The following SPNS3 variants were observed in gnomAD, a reference collection of about 807,000 sequenced individuals.
SPNS3 encodes the protein SPNS lysolipid transporter 3, sphingosine-1-phosphate (putative).
A neutral mutation model predicts 54.4 loss-of-function variants in SPNS3; 51 were observed. That is an observed-to-expected ratio of 0.94 (90% CI 0.75 to 1.18). SPNS3 has a LOEUF of 1.18. Ranked by LOEUF, SPNS3 falls within the 50% of genes most tolerant of loss-of-function variation. The pLI is 0.00. For synonymous variants in SPNS3, 309 were observed against 294.7 expected (o/e 1.05, Z -0.50); for missense variants, 669 against 677.4 (o/e 0.99, Z 0.14).
intron 8 of SPNS3, among the ~76,000 whole-genome samples, chr17:4,462,774 C>T (rs1477348510): frequency 7.2e-6 from 1 of 138,596 alleles, no homozygotes; most frequent in African/African-American, 3.1e-5. Context: ...TCCATCCATC[C>T]ATCCATCCAT....
rs139776559 is a variant in SPNS3 at position 4,443,838 on chromosome 17, C to T, written c.266-1194C>T. Among the ~76,000 whole-genome samples, 1,073 of 152,372 alleles carry T rather than the reference C, an allele frequency of 7.0e-3. 10 individuals are homozygous for T. Among genetic ancestry groups the T allele is most frequent in the African/African-American group, 0.024 (1,012 of 41,584 alleles). On this transcript the variant is annotated intron_variant, in intron 2 of 11. Transcript: ENST00000355530. Reference sequence around the variant, plus strand: ...ACAGTGGGCCGGGCACAGTGGCCCACGCCTGTAACCCCAGCACTTTAGGAG... The same window carrying T: ...ACAGTGGGCCGGGCACAGTGGCCCATGCCTGTAACCCCAGCACTTTAGGAG...
rs762994526 is a variant in SPNS3 at position 4,445,037 on chromosome 17, G to A, written c.271G>A (p.Val91Ile). ...NHAGLLQTVFVSCLLLSAPVF... is the reference protein window; with the variant it reads ...NHAGLLQTVFISCLLLSAPVF... ...CCCCTGTGTGTCTCCTTCAGTCTTC[G>A]TTAGCTGCCTGCTGCTGTCTGCACC... The change falls in exon 3 of 12, where the codon GTT becomes ATT. Residue 91 changes from valine (V) to isoleucine (I), a missense_variant. Physicochemically the swap from Val to Ile is conservative, Grantham distance 29. Coordinates refer to ENST00000355530, the MANE Select transcript of SPNS3 (RefSeq NM_182538.5). 10 of 1,613,404 alleles carry A rather than the reference G, an allele frequency of 6.2e-6. No homozygotes were observed. Among genetic ancestry groups the A allele is most frequent in the African/African-American group, 4.0e-5 (3 of 74,934 alleles).
intron 8 of SPNS3, among the ~76,000 whole-genome samples, chr17:4,471,867 G>GT (rs536587287): frequency 0.24 from 35,517 of 149,398 alleles, 4,989 homozygotes; most frequent in East Asian, 0.69. Flanking sequence ...TGGATTTTTT[G>GT]TTTTTTTTTG....
chr17:4,441,176 T>C (rs1483900309), intron 2 of SPNS3, among the ~76,000 whole-genome samples: 1 of 152,220 alleles, frequency 6.6e-6, no homozygotes, highest in African/African-American at 2.4e-5. Context: ...AAGAACATTT[T>C]AATGTTAGCT....
chr17:4,448,384 TC>T, intron 6 of SPNS3, 81 bp downstream of exon 6: 20 of 1,339,222 alleles, frequency 1.5e-5, no homozygotes, highest in Middle Eastern at 1.9e-4. Flanking sequence ...TCTCTCCACC[TC>T]CAGGGAGCCC....
At chr17:4,470,784 T>C (rs78795688) in intron 8 of SPNS3, among the ~76,000 whole-genome samples, 9,407 of 152,302 alleles carry the variant, frequency 0.062, 311 homozygotes, top group Middle Eastern at 0.13. Flanking sequence ...GTTGTAAAAC[T>C]GTGGACTTAT....
intron 2 of SPNS3, among the ~76,000 whole-genome samples, chr17:4,441,743 C>T (rs1030550928): frequency 2.0e-5 from 3 of 151,376 alleles, no homozygotes. Context: ...ATTACAGGCA[C>T]CTGCCATCAT....
At chr17:4,457,950 G>A (rs115758769) in intron 8 of SPNS3, among the ~76,000 whole-genome samples, 4 of 152,118 alleles carry the variant, frequency 2.6e-5, no homozygotes, top group African/African-American at 2.4e-5. Flanking sequence ...GTCTGGCATG[G>A]TACCCACCGA....
chr17:4,439,748 G>C, intron 2 of SPNS3, 25 bp downstream of exon 2: 1 of 1,601,518 alleles, frequency 6.2e-7, no homozygotes, highest in Non-Finnish European at 8.5e-7. Context: ...TGGCTCTGGA[G>C]CCGGGGCCCT....
intron 8 of SPNS3, among the ~76,000 whole-genome samples, chr17:4,458,674 C>G (rs1471585290): frequency 7.3e-6 from 1 of 136,384 alleles, no homozygotes; most frequent in Non-Finnish European, 1.6e-5. Flanking sequence ...TCTTTCTTTT[C>G]TTTCTCTTTT....
intron 2 of SPNS3, among the ~76,000 whole-genome samples, chr17:4,439,936 A>AGAGCAGGGGGAGGTG (rs1418896833): frequency 6.6e-6 from 1 of 151,938 alleles, no homozygotes; most frequent in Non-Finnish European, 1.5e-5. Context: ...GTGCCGCGGG[A>AGAGCAGGGGGAGGTG]GAGCAGGGGG....
chr17:4,476,851 T>C (rs917546247), intron 8 of SPNS3, among the ~76,000 whole-genome samples: 3 of 152,290 alleles, frequency 2.0e-5, no homozygotes, highest in Non-Finnish European at 2.9e-5. Context: ...CTTGGCTGGT[T>C]CTGCTCTCCC....
Position 4,449,380 on chromosome 17 carries a change from C to A in SPNS3, c.916C>A (p.Pro306Thr). ...PPCFQEPCSN[P>T]DSLIFGALTI... ...CTGCTTCCAGGAGCCGTGCAGCAAC[C>A]CCGACAGGTGAGGGCATCCGGGGGC... is the stretch of plus-strand genomic sequence containing the variant. Residue 306 changes from proline to threonine, a missense_variant, in exon 7 of 12, where the codon CCC becomes ACC. Transcript: ENST00000355530. The A allele has an allele frequency of 6.3e-7, 1 of 1,597,096 alleles. No homozygotes were observed. The highest frequency in any genetic ancestry group is 8.5e-7 in the Non-Finnish European group (1 of 1,176,644).
At chr17:4,439,634 T>C (rs376607623) in intron 1 of SPNS3, 24 bp from the exon 2 acceptor site, 2 of 1,609,100 alleles carry the variant, frequency 1.2e-6, no homozygotes, top group South Asian at 1.1e-5. Flanking sequence ...TCCCGTTTCC[T>C]GAGCACTGTC....
At chr17:4,484,014 C>T (rs543059712) in intron 9 of SPNS3, among the ~76,000 whole-genome samples, 1 of 152,324 alleles carries the variant, frequency 6.6e-6, no homozygotes, top group Middle Eastern at 3.4e-3. Context: ...AACTTGTCCT[C>T]CTCATCTTTC....
intron 2 of SPNS3, 103 bp from the exon 3 acceptor site, chr17:4,444,929 C>T (rs1360643616): frequency 2.9e-6 from 4 of 1,398,818 alleles, no homozygotes; most frequent in South Asian, 1.4e-5. Flanking sequence ...GCCAAGATGC[C>T]AGCTTGTGGC....
chr17:4,473,884 C>T (rs1196871485), intron 8 of SPNS3, among the ~76,000 whole-genome samples: 1 of 151,904 alleles, frequency 6.6e-6, no homozygotes, highest in Non-Finnish European at 1.5e-5. Flanking sequence ...TGGAGTGGTG[C>T]GGAAACCTGG....
rs140209947 is a variant in SPNS3 at position 4,474,907 on chromosome 17, G to A, written c.1114-3665G>A. 2.2e-4 allele frequency among the ~76,000 whole-genome samples: 34 copies of A among 152,312 alleles called. No individual in the cohort carries two copies. In the East Asian group the frequency reaches 4.6e-3, roughly 21 times the overall value. ...CCCCGCATATGTACGTAGTTGTGGCGTGTGAGTTCTTCGTGTGTGTCTCAG... is the reference window on the plus strand; with the variant it reads ...CCCCGCATATGTACGTAGTTGTGGCATGTGAGTTCTTCGTGTGTGTCTCAG... On this transcript the variant is annotated intron_variant, in intron 8 of 11. Coordinates refer to ENST00000355530, the MANE Select transcript of SPNS3 (RefSeq NM_182538.5).
At position 4,486,113 on chromosome 17, in the gene SPNS3, A is replaced by C. The variant is rs1053932517; in HGVS notation, c.1180-115A>C. ...CCTTGGGGACCGTCGACTCCCTCCC[A>C]TCCCACTCACCTGAATGGCCTGTCA... On this transcript the variant is annotated intron_variant, in intron 9 of 11. Coordinates refer to ENST00000355530, the MANE Select transcript of SPNS3 (RefSeq NM_182538.5). This position sits in a 1 kb window ranked among gnomAD's most constrained non-coding sequence, Gnocchi z 5.5. The C allele has an allele frequency of 7.2e-5, 63 of 873,516 alleles. 1 individual carries two copies. Among genetic ancestry groups the C allele is most frequent in the Non-Finnish European group, 9.9e-5 (60 of 604,828 alleles). 54.1% of individuals were successfully genotyped at this position (873,516 alleles called of 1,614,324 possible).
Sources: allele counts gnomAD v4.1 joint callset (sites outside exome capture counted in the v4.1 genomes callset), GRCh38; gene constraint gnomAD v4.1.1; non-coding constraint Gnocchi (gnomAD v3.1); transcripts MANE v1.5; gene names NCBI Gene and HGNC (gene_info 2026-07-23, HGNC 2026-07-21).